The following FAM117B variants were observed in gnomAD, a reference collection of about 807,000 sequenced individuals.
The protein encoded by FAM117B is family with sequence similarity 117 member B.
FAM117B carries 22 observed loss-of-function variants against 52.8 expected under a neutral mutation model. That is an observed-to-expected ratio of 0.42 (90% CI 0.30 to 0.59). FAM117B has a LOEUF of 0.59. Among genes scored for constraint, FAM117B ranks in the 20% least tolerant of loss-of-function variants. The pLI is 0.22. For missense variants in FAM117B, 678 were observed against 802.6 expected, an observed-to-expected ratio of 0.84 and a Z score of 1.88; for synonymous variants, 309 against 324.1, an observed-to-expected ratio of 0.95 and a Z score of 0.50.
At chr2:202,726,429 C>G in intron 4 of FAM117B, 66 bp downstream of exon 4, 1 of 1,216,328 alleles carries the variant, frequency 8.2e-7, no homozygotes, top group Non-Finnish European at 1.2e-6. Flanking sequence ...TTTGTTATTT[C>G]ATTGGTAATT....
At chr2:202,704,398 C>A (rs1322632514) in intron 2 of FAM117B, among the ~76,000 whole-genome samples, 2 of 152,058 alleles carry the variant, frequency 1.3e-5, no homozygotes, top group African/African-American at 4.8e-5. Flanking sequence ...TGAGAAGATG[C>A]AGGATAAAGA....
chr2:202,703,286 C>T (rs1414918028), intron 2 of FAM117B, among the ~76,000 whole-genome samples: 1 of 152,202 alleles, frequency 6.6e-6, no homozygotes, highest in Non-Finnish European at 1.5e-5. Flanking sequence ...TGTTTTCCTG[C>T]ATCTGACTCA....
In FAM117B at chr2:202,726,372, A is replaced by G. The variant is rs530185791; in HGVS notation, c.960+9A>G. ...CTATTAACCAGTGTCAGGTAAGAGT[A>G]CCAATACCACAAAATCCAGAAAAGG... On this transcript the variant is annotated intron_variant, in intron 4 of 7. Transcript: ENST00000392238. 36 of 1,562,826 alleles carry G rather than the reference A, an allele frequency of 2.3e-5. No homozygotes were observed. Among genetic ancestry groups the G allele is most frequent in the East Asian group, 4.5e-5 (2 of 44,428 alleles).
intron 5 of FAM117B, among the ~76,000 whole-genome samples, chr2:202,756,924 T>C (rs1229199751): frequency 6.6e-6 from 1 of 152,138 alleles, no homozygotes; most frequent in Non-Finnish European, 1.5e-5. Flanking sequence ...ATTTTTAAAA[T>C]AACCCTTAGC....
At chr2:202,711,557 C>G (rs577161410) in intron 2 of FAM117B, among the ~76,000 whole-genome samples, 3 of 152,184 alleles carry the variant, frequency 2.0e-5, no homozygotes, top group Admixed American at 6.5e-5. Flanking sequence ...TGATATGACC[C>G]TATTTGTCCA....
intron 1 of FAM117B, among the ~76,000 whole-genome samples, chr2:202,682,345 C>T (rs1163480233): frequency 6.6e-6 from 1 of 152,134 alleles, no homozygotes; most frequent in Non-Finnish European, 1.5e-5. Context: ...TCCCCTCGGG[C>T]TTCAAGGGTC....
At chr2:202,655,425 T>G (rs1690036930) in intron 1 of FAM117B, among the ~76,000 whole-genome samples, 1 of 152,138 alleles carries the variant, frequency 6.6e-6, no homozygotes, top group Non-Finnish European at 1.5e-5. Context: ...AAGTGTATGT[T>G]TATAAGAAAC....
intron 2 of FAM117B, among the ~76,000 whole-genome samples, chr2:202,705,931 A>G (rs1690863442): frequency 6.6e-6 from 1 of 152,086 alleles, no homozygotes; most frequent in South Asian, 2.1e-4. Flanking sequence ...AGGCTTATTT[A>G]CCTTATAGGT....
intron 1 of FAM117B, among the ~76,000 whole-genome samples, chr2:202,692,452 G>C (rs1690648146): frequency 6.6e-6 from 1 of 152,034 alleles, no homozygotes; most frequent in South Asian, 2.1e-4. Context: ...TAAAATCGAA[G>C]ATATTATGTA....
At chr2:202,696,459 G>A (rs753214992) in intron 2 of FAM117B, among the ~76,000 whole-genome samples, 20 of 152,106 alleles carry the variant, frequency 1.3e-4, no homozygotes, top group Admixed American at 2.6e-4. Context: ...GAAAGTTTAC[G>A]AATTTATGTC....
At chr2:202,660,801 G>A (rs1275651981) in intron 1 of FAM117B, among the ~76,000 whole-genome samples, 3 of 152,346 alleles carry the variant, frequency 2.0e-5, no homozygotes, top group Middle Eastern at 3.4e-3. Context: ...CAGTTACAGA[G>A]CCTCAGTTCC....
intron 2 of FAM117B, among the ~76,000 whole-genome samples, chr2:202,715,036 T>C (rs1333769605): frequency 6.6e-6 from 1 of 152,210 alleles, no homozygotes; most frequent in African/African-American, 2.4e-5. Context: ...CCGTTCTCAA[T>C]GAGCTGTTGG....
Position 202,683,133 on chromosome 2 carries a change from G to C in FAM117B, c.602-12748G>C, listed in dbSNP as rs181185061. Among the ~76,000 whole-genome samples, 4 of 152,260 alleles carry C rather than the reference G, an allele frequency of 2.6e-5. No homozygotes were observed. The South Asian group carries it at 8.3e-4, about 32-fold the overall frequency. The stretch of plus-strand genomic sequence containing the variant: ...ACCTGAGGTCAGGAGTTCGAGACCA[G>C]CCTGGCTAGCAAGGTGAAACCCCAT... On this transcript the variant is annotated intron_variant, in intron 1 of 7. Coordinates refer to ENST00000392238, the MANE Select transcript of FAM117B (RefSeq NM_173511.4).
chr2:202,645,940 G>T (rs974101753), intron 1 of FAM117B, among the ~76,000 whole-genome samples: 22 of 151,824 alleles, frequency 1.4e-4, no homozygotes, highest in Non-Finnish European at 2.8e-4. Flanking sequence ...TCGTTTTATT[G>T]ATTTTTACAT....
chr2:202,715,203 G>A (rs1171345612), intron 2 of FAM117B, among the ~76,000 whole-genome samples: 1 of 150,030 alleles, frequency 6.7e-6, no homozygotes, highest in Admixed American at 6.6e-5. Context: ...CTGGCCGGGC[G>A]GGGGCTGACC....
chr2:202,724,051 CTTTTTTTTTTT>C (rs34063266), intron 2 of FAM117B, among the ~76,000 whole-genome samples: 2 of 89,794 alleles, frequency 2.2e-5, no homozygotes, highest in Non-Finnish European at 1.9e-5. Flanking sequence ...TAAGGTTTAA[CTTTTTTTTTTT>C]TTTTTTTTTT....
chr2:202,697,688 T>G (rs1231405942), intron 2 of FAM117B, among the ~76,000 whole-genome samples: 2 of 151,876 alleles, frequency 1.3e-5, no homozygotes, highest in Non-Finnish European at 2.9e-5. Flanking sequence ...GGAGCTGGAC[T>G]ACAGGCGTGC....
rs1477064135 is a variant in FAM117B, at chr2:202,757,438, G to C, written c.1330G>C (p.Glu444Gln). The change falls in exon 6 of 8, where the codon GAG becomes CAG. Residue 444 changes from glutamate (E) to glutamine (Q), a missense_variant and splice_region_variant. Coordinates refer to ENST00000392238, the MANE Select transcript of FAM117B (RefSeq NM_173511.4). The part of the protein sequence containing the change: ...DDLLVDPRDK[E>Q]NGNNSPLPKY... ...CCTGCTTGTTGATCCCAGAGATAAA[G>C]GTACAGTGCTGGAGGAATGTGCTAC... 1.9e-6 allele frequency: 3 copies of C among 1,613,522 alleles called. No individual in the cohort carries two copies. The highest frequency in any genetic ancestry group is 1.3e-5 in the African/African-American group (1 of 74,846).
At position 202,717,177 on chromosome 2, in the gene FAM117B, A is replaced by T. The variant is rs558142338; in HGVS notation, c.754-7740A>T. On this transcript the variant is annotated intron_variant, in intron 2 of 7. Transcript: ENST00000392238. ...GAAAGCTTTTCAGATATTTGCAAAGACTGGGTGTTGGCTGGGTGCAGTGGC... is the reference window on the plus strand; with the variant it reads ...GAAAGCTTTTCAGATATTTGCAAAGTCTGGGTGTTGGCTGGGTGCAGTGGC... Among the ~76,000 whole-genome samples, 7 of 152,294 alleles carry T rather than the reference A, an allele frequency of 4.6e-5. No individual in the cohort carries two copies. In the South Asian group the frequency reaches 1.5e-3, roughly 32 times the overall value.
Sources: allele counts gnomAD v4.1 joint callset (sites outside exome capture counted in the v4.1 genomes callset), GRCh38; gene constraint gnomAD v4.1.1; transcripts MANE v1.5; gene names NCBI Gene and HGNC (gene_info 2026-07-23, HGNC 2026-07-21).